The following UPK3BL1 variants were observed in gnomAD, a reference collection of about 807,000 sequenced individuals.
UPK3BL1 encodes the protein uroplakin-3b-like protein 1.
In UPK3BL1 at chr7:102,639,973, A is replaced by C. The variant is rs1370163420; in HGVS notation, c.485+231T>G. On this transcript the variant is annotated intron_variant, in intron 3 of 5. Transcript: ENST00000340457. ...TCTCAAAAAACAAAACAAAAAAAAA[A>C]AAAAAAAAGAAGAAGAAGAAAAGGA... Among the ~76,000 whole-genome samples, 25 of 17,544 alleles carry C rather than the reference A, an allele frequency of 1.4e-3. 2 individuals carry two copies. The highest frequency in any genetic ancestry group is 2.7e-3 in the African/African-American group (15 of 5,600). 11.5% of individuals were successfully genotyped at this position (17,544 alleles called of 152,430 possible).
chr7:102,641,432 C>T, intron 1 of UPK3BL1: 1 of 530,732 alleles, frequency 1.9e-6, no homozygotes, highest in Non-Finnish European at 2.3e-6. Flanking sequence ...CCAGGTCCCC[C>T]TCTCAGACTC....
chr7:102,638,176 T>G (rs1229233757), intron 5 of UPK3BL1, among the ~76,000 whole-genome samples: 3 of 150,686 alleles, frequency 2.0e-5, no homozygotes, highest in African/African-American at 2.4e-5. Context: ...CCCCTTTTTT[T>G]TTTTAAATGG....
intron 1 of UPK3BL1, chr7:102,641,737 C>CA (rs1298754291): frequency 9.2e-6 from 6 of 649,946 alleles, no homozygotes; most frequent in Non-Finnish European, 1.1e-5. Context: ...GAAGGATTGT[C>CA]ACGATTCCTT....
chr7:102,639,978 AAAAG>A (rs1268945182), intron 3 of UPK3BL1, among the ~76,000 whole-genome samples: 3 of 19,886 alleles, frequency 1.5e-4, no homozygotes, highest in African/African-American at 4.6e-4. Flanking sequence ...AAAAAAAAAA[AAAAG>A]AAGAAGAAGA....
chr7:102,639,961 AAC>A (rs1791508546), intron 3 of UPK3BL1, among the ~76,000 whole-genome samples: 1 of 14,454 alleles, frequency 6.9e-5, no homozygotes, highest in Non-Finnish European at 1.5e-4. Context: ...CAAAAAACAA[AAC>A]AAAAAAAAAA....
intron 3 of UPK3BL1, among the ~76,000 whole-genome samples, chr7:102,640,003 A>AG (rs1409282861): frequency 5.7e-5 from 2 of 35,048 alleles, no homozygotes; most frequent in Non-Finnish European, 1.3e-4. Context: ...AAAGGAAAAA[A>AG]AAAAAAAAGA....
chr7:102,638,161 ACCC>A (rs1475523962), intron 5 of UPK3BL1, among the ~76,000 whole-genome samples: 1 of 101,512 alleles, frequency 9.9e-6, no homozygotes, highest in Non-Finnish European at 2.1e-5. Context: ...AAATCCTGAC[ACCC>A]CCCCCTTTTT....
chr7:102,637,833 A>G, intron 5 of UPK3BL1, among the ~76,000 whole-genome samples, 200 bp from the exon 6 acceptor site: 1 of 36,658 alleles, frequency 2.7e-5, no homozygotes, highest in East Asian at 4.6e-4. Flanking sequence ...GCTCCCCATC[A>G]CTCTCCCCCT....
At position 102,637,027 on chromosome 7, in the gene UPK3BL1, G is replaced by A. The variant is rs1791403196; in HGVS notation, c.*498C>T. ...GTATGATGTCACGGACAGGCAGGGA[G>A]GTTTTGGGGGCATTTATTTCCGATA... On this transcript the variant is annotated 3_prime_UTR_variant, in exon 6 of 6. Transcript: ENST00000340457. 2 of 142,836 alleles carry A rather than the reference G, an allele frequency of 1.4e-5. No individual in the cohort carries two copies. Among genetic ancestry groups the A allele is most frequent in the Non-Finnish European group, 1.6e-5 (1 of 63,792 alleles). The allele number at this position is 142,836 out of a possible 1,614,324, so 8.8% of individuals were successfully genotyped here.
chr7:102,639,285 A>G (rs1791490146), intron 3 of UPK3BL1, 86 bp from the exon 4 acceptor site: 1 of 1,518,060 alleles, frequency 6.6e-7, no homozygotes, highest in African/African-American at 1.4e-5. Flanking sequence ...TGTCCCCTGG[A>G]GTCCCAGGCC....
chr7:102,639,963 C>CAAAAAAAAA (rs1554350613), intron 3 of UPK3BL1, among the ~76,000 whole-genome samples: 7 of 12,084 alleles, frequency 5.8e-4, no homozygotes, highest in African/African-American at 1.6e-3. Flanking sequence ...AAAAACAAAA[C>CAAAAAAAAA]AAAAAAAAAA....
chr7:102,639,963 C>CAAAAAAAAACAAAAAAAA (rs1554350615), intron 3 of UPK3BL1, among the ~76,000 whole-genome samples: 1 of 12,098 alleles, frequency 8.3e-5, no homozygotes, highest in African/African-American at 2.6e-4. Context: ...AAAAACAAAA[C>CAAAAAAAAACAAAAAAAA]AAAAAAAAAA....
intron 5 of UPK3BL1, among the ~76,000 whole-genome samples, chr7:102,638,305 G>A (rs1791450469): frequency 6.6e-6 from 1 of 151,904 alleles, no homozygotes; most frequent in African/African-American, 2.4e-5. Context: ...GGGATTACAA[G>A]CACGTGCCAC....
chr7:102,639,963 C>CAA (rs1554350613), intron 3 of UPK3BL1, among the ~76,000 whole-genome samples: 4 of 12,084 alleles, frequency 3.3e-4, no homozygotes, highest in African/African-American at 1.1e-3. Flanking sequence ...AAAAACAAAA[C>CAA]AAAAAAAAAA....
At chr7:102,641,924 TA>T (rs1321531901) in intron 1 of UPK3BL1, among the ~76,000 whole-genome samples, 1 of 37,522 alleles carries the variant, frequency 2.7e-5, no homozygotes, top group African/African-American at 6.6e-5. Flanking sequence ...GACTGGCCAA[TA>T]TGGTGAAACC....
chr7:102,638,547 G>A (rs1391766465), intron 5 of UPK3BL1, among the ~76,000 whole-genome samples, 167 bp downstream of exon 5: 10 of 140,142 alleles, frequency 7.1e-5, no homozygotes, highest in African/African-American at 1.8e-4. Flanking sequence ...TGGGGTGTCC[G>A]CAGGCGGCAC....
intron 3 of UPK3BL1, among the ~76,000 whole-genome samples, chr7:102,639,963 C>CAAAAAAAAAAAAAAAAAAAAAAAAAA (rs1554350613): frequency 8.3e-5 from 1 of 12,098 alleles, no homozygotes; most frequent in African/African-American, 2.6e-4. Flanking sequence ...AAAAACAAAA[C>CAAAAAAAAAAAAAAAAAAAAAAAAAA]AAAAAAAAAA....
chr7:102,639,997 G>A (rs1340911663), intron 3 of UPK3BL1, among the ~76,000 whole-genome samples: 3 of 12,956 alleles, frequency 2.3e-4, no homozygotes, highest in African/African-American at 6.8e-4. Flanking sequence ...AGAAGAAAAG[G>A]AAAAAAAAAA....
At chr7:102,642,108 C>CGG (rs1215684412) in intron 1 of UPK3BL1, among the ~76,000 whole-genome samples, 1 of 2,082 alleles carries the variant, frequency 4.8e-4, no homozygotes, top group Non-Finnish European at 0.023. Context: ...GACTCTGTCT[C>CGG]GAAAAAAAAA....
Sources: gnomAD v4.1 joint callset for allele counts (sites outside exome capture counted in the v4.1 genomes callset) on GRCh38, gnomAD v4.1.1 for gene constraint, MANE v1.5 for transcripts, NCBI Gene and HGNC (gene_info 2026-07-23, HGNC 2026-07-21) for gene names.